The following TMEM86A variants were observed in gnomAD, a reference collection of about 807,000 sequenced individuals.
TMEM86A encodes the protein lysoplasmalogenase TMEM86A.
TMEM86A carries 13 observed loss-of-function variants against 19.8 expected under a neutral mutation model. The observed-to-expected ratio is 0.66, with a 90% CI of 0.43 to 1.04. The LOEUF (loss-of-function observed/expected upper bound fraction) is 1.04, where lower values mean the gene tolerates loss of function less well. TMEM86A is among the 50% of genes least tolerant of loss of function. TMEM86A has a pLI of 0.00. For synonymous variants in TMEM86A, 128 were observed against 129.9 expected (o/e 0.99, Z 0.10); for missense variants, 248 against 306.8 (o/e 0.81, Z 1.43).
At position 18,702,038 on chromosome 11, in the gene TMEM86A, C is replaced by A. The variant is rs753684002; in HGVS notation, c.*29C>A. ...GCCAGGGTCTGGTCACCCCTCTCTC[C>A]TCCTGGGGCTGGGGCCCAGATCCTG... On this transcript the variant is annotated 3_prime_UTR_variant, in exon 3 of 3. Transcript: ENST00000280734. 1.3e-6 allele frequency: 2 copies of A among 1,593,200 alleles called. No homozygotes were observed. Among genetic ancestry groups the A allele is most frequent in the South Asian group, 2.2e-5 (2 of 90,596 alleles).
At position 18,701,227 on chromosome 11, in the gene TMEM86A, AGTCCTGGGGCTGGGGGATAGAGG is replaced by A. The variant is rs1322664330; in HGVS notation, c.286+39_286+61del. 8 of 1,606,294 alleles carry A rather than the reference AGTCCTGGGGCTGGGGGATAGAGG, an allele frequency of 5.0e-6. No individual in the cohort carries two copies. The highest frequency in any genetic ancestry group is 1.7e-5 in the Admixed American group (1 of 59,750). On this transcript the variant is annotated intron_variant, in intron 2 of 2. Transcript: ENST00000280734. This position sits in a 1 kb window ranked among gnomAD's most constrained non-coding sequence, Gnocchi z 5.3. The stretch of plus-strand genomic sequence containing the variant: ...GTGGCCATAGTAGTTGCCTGGGAGG[AGTCCTGGGGCTGGGGGATAGAGG>A]GTCCTGGGCTGTGGGCAAAGATTTG...
At position 18,704,359 on chromosome 11, in the gene TMEM86A, T is replaced by A. The variant is rs962865418; in HGVS notation, c.*2350T>A. On this transcript the variant is annotated 3_prime_UTR_variant, in exon 3 of 3. Transcript: ENST00000280734. Reference sequence around the variant, plus strand: ...CCCATCCCTTCACTGAATGTTTACATTAACAAACACCAGAGAGCAAACTGG... The same window carrying A: ...CCCATCCCTTCACTGAATGTTTACAATAACAAACACCAGAGAGCAAACTGG... 5 of 731,830 alleles carry A rather than the reference T, an allele frequency of 6.8e-6. No individual in the cohort carries two copies. Among genetic ancestry groups the A allele is most frequent in the Non-Finnish European group, 1.2e-5 (5 of 412,328 alleles). The allele number at this position is 731,830 out of a possible 1,614,324, so 45.3% of individuals were successfully genotyped here.
rs954986594 is a variant in TMEM86A, at chr11:18,702,604, T to C, written c.*595T>C. On this transcript the variant is annotated 3_prime_UTR_variant, in exon 3 of 3. Coordinates refer to ENST00000280734, the MANE Select transcript of TMEM86A (RefSeq NM_153347.3). ...TGGTGGGTGGGGACATGAAGAGGTG[T>C]GGGTCCAGGTTAGGCAGGAGAGAGA... 3 of 156,950 alleles carry C rather than the reference T, an allele frequency of 1.9e-5. No homozygotes were observed. The highest frequency in any genetic ancestry group is 1.8e-4 in the Admixed American group (3 of 16,468). The allele number at this position is 156,950 out of a possible 1,614,324, so 9.7% of individuals were successfully genotyped here.
In TMEM86A at chr11:18,699,773, C is replaced by G. The variant is rs924486272; in HGVS notation, c.21+866C>G. 6.6e-6 allele frequency: 1 copy of G among 152,454 alleles called. No homozygotes were observed. Among genetic ancestry groups the G allele is most frequent in the African/African-American group, 2.4e-5 (1 of 41,456 alleles). The allele number at this position is 152,454 out of a possible 1,614,324, so 9.4% of individuals were successfully genotyped here. A position where few individuals can be genotyped will look rare whatever the true frequency, so the allele number is the denominator to read the frequency against. ...AGGCTTGGACCCTGGAACCACCCAT[C>G]CGCCTCTTCCCAATCCTCCTCATCA... On this transcript the variant is annotated intron_variant, in intron 1 of 2. Coordinates refer to ENST00000280734, the MANE Select transcript of TMEM86A (RefSeq NM_153347.3). The surrounding 1 kb of genome is among the most constrained non-coding windows in gnomAD (Gnocchi z 4.0).
rs1848144949 is a variant in TMEM86A at position 18,701,050 on chromosome 11, A to G, written c.139A>G (p.Ile47Val). ...CAGCACCCTCATCAAGTGCCTGCCT[A>G]TCTTCTGCCTCTGGCTCTTCCTTCT... ...WVSTLIKCLP[I>V]FCLWLFLLAH... The change falls in exon 2 of 3, where the codon ATC becomes GTC. Residue 47 changes from isoleucine (I) to valine (V), a missense_variant. Physicochemically the swap from Ile to Val is conservative, Grantham distance 29. Coordinates refer to ENST00000280734, the MANE Select transcript of TMEM86A (RefSeq NM_153347.3). The surrounding 1 kb of genome is among the most constrained non-coding windows in gnomAD (Gnocchi z 5.3). 1.2e-6 allele frequency: 2 copies of G among 1,613,962 alleles called. No homozygotes were observed. The highest frequency in any genetic ancestry group is 1.7e-5 in the Admixed American group (1 of 60,010).
In TMEM86A at chr11:18,704,724, C is replaced by T. The variant is rs1027521081; in HGVS notation, c.*2715C>T. 1.7e-6 allele frequency: 1 copy of T among 592,342 alleles called. No individual in the cohort carries two copies. The highest frequency in any genetic ancestry group is 3.0e-6 in the Non-Finnish European group (1 of 329,176). 36.7% of individuals were successfully genotyped at this position (592,342 alleles called of 1,614,324 possible). On this transcript the variant is annotated 3_prime_UTR_variant, in exon 3 of 3. Coordinates refer to ENST00000280734, the MANE Select transcript of TMEM86A (RefSeq NM_153347.3). The stretch of plus-strand genomic sequence containing the variant: ...ACTTAATATTTGCCAGACATTGTGC[C>T]AGGCAGTTGTGTACTGTCTCATTTA...
At chr11:18,700,436 A>G (rs1203652574) in intron 1 of TMEM86A, among the ~76,000 whole-genome samples, 1 of 152,082 alleles carries the variant, frequency 6.6e-6, no homozygotes, top group Non-Finnish European at 1.5e-5. Flanking sequence ...AGGAGGAGAG[A>G]GGCTGTGGTG....
chr11:18,702,123 C>T lies in TMEM86A; in HGVS notation c.*114C>T. On this transcript the variant is annotated 3_prime_UTR_variant, in exon 3 of 3. Transcript: ENST00000280734. ...TGCCAGCCTGGGGCAGCAGGTACTG[C>T]CTGAGGAATTTGCAAGTTCGTGTGG... 12 of 1,165,088 alleles carry T rather than the reference C, an allele frequency of 1.0e-5. No individual in the cohort carries two copies. In the South Asian group the frequency reaches 1.8e-4, roughly 17 times the overall value. The allele number at this position is 1,165,088 out of a possible 1,614,324, so 72.2% of individuals were successfully genotyped here.
Position 18,704,633 on chromosome 11 carries a change from G to A in TMEM86A, c.*2624G>A, listed in dbSNP as rs368378451. The A allele has an allele frequency of 1.3e-6, 1 of 756,458 alleles. No homozygotes were observed. The highest frequency in any genetic ancestry group is 2.7e-5 in the East Asian group (1 of 37,130). 46.9% of individuals were successfully genotyped at this position (756,458 alleles called of 1,614,324 possible). A position where few individuals can be genotyped will look rare whatever the true frequency, so the allele number is the denominator to read the frequency against. ...CTTCCTATGCAGGAAACCAGGAGCTGGACCCTGGGACCCTTAATCTTGGGT... is the reference window on the plus strand; with the variant it reads ...CTTCCTATGCAGGAAACCAGGAGCTAGACCCTGGGACCCTTAATCTTGGGT... On this transcript the variant is annotated 3_prime_UTR_variant, in exon 3 of 3. Coordinates refer to ENST00000280734, the MANE Select transcript of TMEM86A (RefSeq NM_153347.3).
In TMEM86A at chr11:18,701,188, T is replaced by C. The variant is rs1208567529; in HGVS notation, c.277T>C (p.Phe93Leu). 1 of 1,613,598 alleles carries C rather than the reference T, an allele frequency of 6.2e-7. No individual in the cohort carries two copies. Among genetic ancestry groups the C allele is most frequent in the Admixed American group, 1.7e-5 (1 of 60,014 alleles). ...AFLIWQDQGYFVHGLLMFAVT... is the reference protein window; with the variant it reads ...AFLIWQDQGYLVHGLLMFAVT... ...CCTCATCTGGCAGGACCAAGGATAC[T>C]TCGTGCATGGTCAGTGGCCATAGTA... The change falls in exon 2 of 3, where the codon TTC becomes CTC. Residue 93 changes from phenylalanine (F) to leucine (L), a missense_variant. Transcript: ENST00000280734. This position sits in a 1 kb window ranked among gnomAD's most constrained non-coding sequence, Gnocchi z 5.3.
Position 18,701,309 on chromosome 11 carries a change from C to T in TMEM86A, c.286+112C>T, listed in dbSNP as rs1017214220. 7.0e-6 allele frequency: 10 copies of T among 1,432,922 alleles called. No homozygotes were observed. The highest frequency in any genetic ancestry group is 9.4e-6 in the Non-Finnish European group (10 of 1,063,776). 88.8% of individuals were successfully genotyped at this position (1,432,922 alleles called of 1,614,324 possible). A position where few individuals can be genotyped will look rare whatever the true frequency, so the allele number is the denominator to read the frequency against. Reference sequence around the variant, plus strand: ...AGTTCTTGAACCAGAGTGTGGGGAGCCTGAGGGTTTCTGAGGCCAGGGACT... The same window carrying T: ...AGTTCTTGAACCAGAGTGTGGGGAGTCTGAGGGTTTCTGAGGCCAGGGACT... On this transcript the variant is annotated intron_variant, in intron 2 of 2. Coordinates refer to ENST00000280734, the MANE Select transcript of TMEM86A (RefSeq NM_153347.3). This position sits in a 1 kb window ranked among gnomAD's most constrained non-coding sequence, Gnocchi z 5.3.
In TMEM86A at chr11:18,701,478, A is replaced by G. The variant is rs574281651; in HGVS notation, c.287-95A>G. On this transcript the variant is annotated intron_variant, in intron 2 of 2. Coordinates refer to ENST00000280734, the MANE Select transcript of TMEM86A (RefSeq NM_153347.3). This position sits in a 1 kb window ranked among gnomAD's most constrained non-coding sequence, Gnocchi z 5.3. The stretch of plus-strand genomic sequence containing the variant: ...GCAAAGCTGCTGGGTTATCCCAAAC[A>G]CTCCACTCCATCGCCACATCCATCC... 1.5e-6 allele frequency: 2 copies of G among 1,353,654 alleles called. No individual in the cohort carries two copies. The highest frequency in any genetic ancestry group is 2.3e-5 in the Admixed American group (1 of 43,476). The allele number at this position is 1,353,654 out of a possible 1,614,324, so 83.9% of individuals were successfully genotyped here.
Position 18,700,956 on chromosome 11 carries a change from G to A in TMEM86A, c.45G>A (p.Leu15=), listed in dbSNP as rs750177981. 77 of 1,614,016 alleles carry A rather than the reference G, an allele frequency of 4.8e-5. 3 individuals carry two copies. In the South Asian group the frequency reaches 8.2e-4, roughly 17 times the overall value. The change falls in exon 2 of 3, where the codon CTG becomes CTA. Residue 15 remains leucine, a synonymous_variant. Coordinates refer to ENST00000280734, the MANE Select transcript of TMEM86A (RefSeq NM_153347.3). ...AGGTGAAGAGTGAAGGACCCAAACTGGTGCCGTTCTTCAAGGCCACCTGCG... is the reference window on the plus strand; with the variant it reads ...AGGTGAAGAGTGAAGGACCCAAACTAGTGCCGTTCTTCAAGGCCACCTGCG... ...VTVVKSEGPK[L]VPFFKATCVY...
rs775893136 is a variant in TMEM86A at position 18,701,866 on chromosome 11, G to A, written c.580G>A (p.Ala194Thr). ...CTTTATCATCTCAGACCTGACCATC[G>A]CCCTCAACAAATTCTGTTTTCCTGT... ...LFFIISDLTI[A>T]LNKFCFPVPY... Residue 194 changes from alanine (A) to threonine (T), a missense_variant, in exon 3 of 3, where the codon GCC becomes ACC. By Grantham distance (58) the Ala-to-Thr change is moderately conservative. Transcript: ENST00000280734. The surrounding 1 kb of genome is among the most constrained non-coding windows in gnomAD (Gnocchi z 5.3). The A allele has an allele frequency of 6.8e-6, 11 of 1,614,096 alleles. No individual in the cohort carries two copies. The highest frequency in any genetic ancestry group is 2.2e-5 in the East Asian group (1 of 44,880).
chr11:18,702,278 C>CA lies in TMEM86A; in HGVS notation c.*273dup, dbSNP rs755563455. The CA allele has an allele frequency of 1.1e-4, 58 of 504,864 alleles. No individual in the cohort carries two copies. Among genetic ancestry groups the CA allele is most frequent in the Admixed American group, 1.1e-3 (34 of 30,982 alleles). The allele number at this position is 504,864 out of a possible 1,614,324, so 31.3% of individuals were successfully genotyped here. On this transcript the variant is annotated 3_prime_UTR_variant, in exon 3 of 3. Coordinates refer to ENST00000280734, the MANE Select transcript of TMEM86A (RefSeq NM_153347.3). Reference sequence around the variant, plus strand: ...CCCACCTCTACCCTATCAGGACTTTCAAAACCCCCCTGGAAGGTGATGGTG... The same window carrying CA: ...CCCACCTCTACCCTATCAGGACTTTCAAAAACCCCCCTGGAAGGTGATGGTG...
rs984315552 is a variant in TMEM86A, at chr11:18,699,360, G to T, written c.21+453G>T. ...CCTTCCTCATTTTGTAAACAAGTTG[G>T]CGGACGCCCCTGAGTCTAAGAAGCG... On this transcript the variant is annotated intron_variant, in intron 1 of 2. Transcript: ENST00000280734. This position sits in a 1 kb window ranked among gnomAD's most constrained non-coding sequence, Gnocchi z 4.0. Among the ~76,000 whole-genome samples, 2 of 152,258 alleles carry T rather than the reference G, an allele frequency of 1.3e-5. No individual in the cohort carries two copies. The highest frequency in any genetic ancestry group is 4.8e-5 in the African/African-American group (2 of 41,476).
In TMEM86A at chr11:18,704,131, G is replaced by T. The variant is rs1848177127; in HGVS notation, c.*2122G>T. The T allele has an allele frequency of 3.8e-6, 1 of 263,686 alleles. No homozygotes were observed. Among genetic ancestry groups the T allele is most frequent in the South Asian group, 6.3e-5 (1 of 15,810 alleles). 16.3% of individuals were successfully genotyped at this position (263,686 alleles called of 1,614,324 possible). A position where few individuals can be genotyped will look rare whatever the true frequency, so the allele number is the denominator to read the frequency against. ...TTGCCCCCAAGCTCTGAGGGGAGGG[G>T]GAAAGTGCCATGTAGATGTGGAGGA... On this transcript the variant is annotated 3_prime_UTR_variant, in exon 3 of 3. Coordinates refer to ENST00000280734, the MANE Select transcript of TMEM86A (RefSeq NM_153347.3).
In TMEM86A at chr11:18,702,795, C is replaced by T. The variant is rs1274736103; in HGVS notation, c.*786C>T. 1 of 153,172 alleles carries T rather than the reference C, an allele frequency of 6.5e-6. No individual in the cohort carries two copies. The highest frequency in any genetic ancestry group is 2.4e-5 in the African/African-American group (1 of 41,454). 9.5% of individuals were successfully genotyped at this position (153,172 alleles called of 1,614,324 possible). On this transcript the variant is annotated 3_prime_UTR_variant, in exon 3 of 3. Coordinates refer to ENST00000280734, the MANE Select transcript of TMEM86A (RefSeq NM_153347.3). ...CCAGCTTCTCTGTGTGTGTGTGTAG[C>T]CTGTCTCCTAGTCTGCCTATGTCTT...
rs1848133249 is a variant in TMEM86A at position 18,699,800 on chromosome 11, A to G, written c.21+893A>G. On this transcript the variant is annotated intron_variant, in intron 1 of 2. Coordinates refer to ENST00000280734, the MANE Select transcript of TMEM86A (RefSeq NM_153347.3). The surrounding 1 kb of genome is among the most constrained non-coding windows in gnomAD (Gnocchi z 4.0). Reference sequence around the variant, plus strand: ...GCCTCTTCCCAATCCTCCTCATCACAGTCTGATCAGTCCTTAGGTACCTGG... The same window carrying G: ...GCCTCTTCCCAATCCTCCTCATCACGGTCTGATCAGTCCTTAGGTACCTGG... The G allele has an allele frequency of 6.6e-6, 1 of 152,398 alleles. No individual in the cohort carries two copies. The highest frequency in any genetic ancestry group is 1.5e-5 in the Non-Finnish European group (1 of 68,216). The allele number at this position is 152,398 out of a possible 1,614,324, so 9.4% of individuals were successfully genotyped here.
Sources: allele counts gnomAD v4.1 joint callset (sites outside exome capture counted in the v4.1 genomes callset), GRCh38; gene constraint gnomAD v4.1.1; non-coding constraint Gnocchi (gnomAD v3.1); transcripts MANE v1.5; gene names NCBI Gene and HGNC (gene_info 2026-07-23, HGNC 2026-07-21).